TPR: variants seen among roughly 807,000 people sequenced by gnomAD.
TPR encodes the protein translocated promoter region, nuclear basket protein, also known as nucleoprotein TPR.
In TPR, 51 loss-of-function variants were observed where a neutral mutation model predicts 316.1. The observed-to-expected ratio is 0.16, with a 90% CI of 0.13 to 0.20. The LOEUF is 0.20. TPR is among the 10% of genes least tolerant of loss of function. The probability of loss-of-function intolerance (pLI) is 1.00; values close to 1 mark genes in which losing one functional copy is unlikely to be tolerated. For synonymous variants in TPR, 981 were observed against 914.7 expected (o/e 1.07, Z -1.31); for missense variants, 2,272 against 2,754.8 (o/e 0.82, Z 3.92).
intron 23 of TPR, among the ~76,000 whole-genome samples, chr1:186,345,898 G>A (rs1303777672): frequency 6.6e-6 from 1 of 152,042 alleles, no homozygotes; most frequent in Non-Finnish European, 1.5e-5. Context: ...CATAAGTCAA[G>A]TCTCAGGTAG....
chr1:186,322,663 C>T (rs764801921), intron 43 of TPR, 77 bp from the exon 44 acceptor site: 3 of 1,400,118 alleles, frequency 2.1e-6, no homozygotes, highest in Non-Finnish European at 3.0e-6. Flanking sequence ...TCAACAGATA[C>T]AGCTTATTAC....
intron 18 of TPR, among the ~76,000 whole-genome samples, chr1:186,353,232 T>G (rs931743698): frequency 6.6e-5 from 10 of 151,582 alleles, no homozygotes; most frequent in Non-Finnish European, 1.3e-4. Flanking sequence ...ATTAGCCAGG[T>G]GTGGTGGCGG....
intron 4 of TPR, among the ~76,000 whole-genome samples, chr1:186,366,871 T>C (rs1659360185): frequency 6.6e-6 from 1 of 151,972 alleles, no homozygotes; most frequent in Admixed American, 6.6e-5. Context: ...ATTTTATGAA[T>C]TCGTTTAGTT....
At chr1:186,349,502 T>C (rs1029083429) in intron 21 of TPR, among the ~76,000 whole-genome samples, 3 of 146,190 alleles carry the variant, frequency 2.1e-5, no homozygotes, top group Admixed American at 2.0e-4. Context: ...AAAAAAAAAA[T>C]ACAAAAAATG....
In TPR at chr1:186,331,457, G is replaced by A. The variant is rs182405912; in HGVS notation, c.5688+41C>T. On this transcript the variant is annotated intron_variant, in intron 39 of 50. Coordinates refer to ENST00000367478, the MANE Select transcript of TPR (RefSeq NM_003292.3). ...ATTTGTCAAAGCTAATTTCATTCAC[G>A]AAAAGCAACGGTGTGGTACTTTAGG... 4,217 of 1,415,774 alleles carry A rather than the reference G, an allele frequency of 3.0e-3. 10 individuals carry two copies. Among genetic ancestry groups the A allele is most frequent in the Non-Finnish European group, 3.6e-3 (3,749 of 1,030,632 alleles). 87.7% of individuals were successfully genotyped at this position (1,415,774 alleles called of 1,614,324 possible).
chr1:186,374,859 G>C lies in TPR; in HGVS notation c.151+19C>G, dbSNP rs1433532168. ...GGAGTCGAGCCCAAAACCAAGGACG[G>C]AAAGAGCATCTCACTTACCGCTCTC... On this transcript the variant is annotated intron_variant, in intron 1 of 50. Coordinates refer to ENST00000367478, the MANE Select transcript of TPR (RefSeq NM_003292.3). 3 of 1,581,604 alleles carry C rather than the reference G, an allele frequency of 1.9e-6. No homozygotes were observed. The African/African-American group carries it at 4.0e-5, about 21-fold the overall frequency.
chr1:186,372,226 A>G (rs1659551420), intron 2 of TPR, among the ~76,000 whole-genome samples: 1 of 152,242 alleles, frequency 6.6e-6, no homozygotes, highest in African/African-American at 2.4e-5. Flanking sequence ...TTCTCCATCA[A>G]TCAAATTAAA....
intron 46 of TPR, among the ~76,000 whole-genome samples, chr1:186,320,083 CTAATGT>C (rs1160218793): frequency 6.6e-6 from 1 of 151,990 alleles, no homozygotes; most frequent in African/African-American, 2.4e-5. Flanking sequence ...AGAAGAGATA[CTAATGT>C]AAAAGCTAAT....
intron 26 of TPR, 76 bp downstream of exon 26, chr1:186,343,827 CCTT>C (rs1197940508): frequency 3.2e-6 from 4 of 1,232,780 alleles, no homozygotes; most frequent in African/African-American, 1.5e-5. Flanking sequence ...TGTATAATCT[CCTT>C]CTCTAATTTA....
intron 14 of TPR, 189 bp from the exon 15 acceptor site, chr1:186,356,638 T>C (rs747860321): frequency 2.0e-6 from 1 of 499,728 alleles, no homozygotes; most frequent in Non-Finnish European, 3.5e-6. Flanking sequence ...CTCAGGTACT[T>C]ATACTTACCA....
chr1:186,314,724 T>C lies in TPR; in HGVS notation c.6941A>G (p.Asp2314Gly). 6.2e-7 allele frequency: 1 copy of C among 1,600,690 alleles called. No individual in the cohort carries two copies. The highest frequency in any genetic ancestry group is 8.5e-7 in the Non-Finnish European group (1 of 1,173,610). The change falls in exon 50 of 51, where the codon GAT becomes GGT. Residue 2314 changes from aspartate (D) to glycine (G), a missense_variant and splice_region_variant. Physicochemically the swap from Asp to Gly is moderately conservative, Grantham distance 94. Around this residue, in one of 10 missense-constraint regions of TPR, gnomAD observed 123 missense variants for 142.3 expected, o/e 0.86. Coordinates refer to ENST00000367478, the MANE Select transcript of TPR (RefSeq NM_003292.3). ...AGGCTTTGGTTGACTACTACTAGTA[T>C]CTAAGAAAAACATTAAGATAAAAGA... ...SQDPPSSSSV[D>G]TSSSQPKPFR...
intron 4 of TPR, among the ~76,000 whole-genome samples, chr1:186,364,754 A>G (rs72713755): frequency 1.3e-5 from 2 of 152,336 alleles, no homozygotes; most frequent in African/African-American, 2.4e-5. Flanking sequence ...GAAAGGTTAT[A>G]TGCCTGCACC....
intron 39 of TPR, among the ~76,000 whole-genome samples, chr1:186,330,690 C>T (rs1315233510): frequency 6.6e-6 from 1 of 152,078 alleles, no homozygotes; most frequent in Non-Finnish European, 1.5e-5. Context: ...AGACAGAACA[C>T]CTTTGGTCCA....
In TPR at chr1:186,345,651, G is replaced by C; in HGVS notation, c.3142C>G (p.Gln1048Glu). ...GTGCTTGCTCTCTGAAGAGCTTCTT[G>C]TACTTCATTCTGAACACTAGAAAGT... ...KTLSSVQNEV[Q>E]EALQRASTAL... The change falls in exon 24 of 51, where the codon CAA (glutamine) becomes GAA (glutamate). Residue 1048 changes from glutamine (Q) to glutamate (E), a missense_variant. Gln to Glu is a conservative substitution (Grantham distance 29). Transcript: ENST00000367478. The C allele has an allele frequency of 6.2e-7, 1 of 1,613,366 alleles. No homozygotes were observed. The highest frequency in any genetic ancestry group is 1.3e-5 in the African/African-American group (1 of 75,022).
intron 42 of TPR, among the ~76,000 whole-genome samples, chr1:186,325,082 C>G (rs1478978022): frequency 3.9e-5 from 6 of 151,916 alleles, no homozygotes; most frequent in Non-Finnish European, 5.9e-5. Flanking sequence ...ATATCTTGCC[C>G]TTTTAAATAC....
intron 39 of TPR, among the ~76,000 whole-genome samples, chr1:186,330,832 G>C (rs1024430803): frequency 1.3e-5 from 2 of 152,132 alleles, no homozygotes; most frequent in African/African-American, 4.8e-5. Flanking sequence ...GGGACAGAAG[G>C]AAGAAAGGAA....
chr1:186,371,894 A>G (rs1400336562), intron 2 of TPR, among the ~76,000 whole-genome samples: 1 of 152,194 alleles, frequency 6.6e-6, no homozygotes, highest in African/African-American at 2.4e-5. Flanking sequence ...TACCACAGGA[A>G]GGTATCTGAT....
chr1:186,361,217 AC>A (rs1282084614), intron 9 of TPR, among the ~76,000 whole-genome samples: 2 of 152,048 alleles, frequency 1.3e-5, no homozygotes, highest in Admixed American at 1.3e-4. Flanking sequence ...ATTGGAAAAG[AC>A]CATAAATATA....
In TPR at chr1:186,334,457, C is replaced by T. The variant is rs746437276; in HGVS notation, c.5050G>A (p.Ala1684Thr). Residue 1684 changes from alanine (A) to threonine (T), a missense_variant, in exon 36 of 51, where the codon GCA becomes ACA. Physicochemically the swap from Ala to Thr is moderately conservative, Grantham distance 58 (BLOSUM62 0). Around this residue, in one of 10 missense-constraint regions of TPR, gnomAD observed 109 missense variants for 215.3 expected, o/e 0.51. Transcript: ENST00000367478. ...GTTGACTTATTTCCAGCCATAGCTG[C>T]AGCTGTCACTTTACTTGGAGTAGAC... ...VVSTPSKVTA[A>T]AMAGNKSTPR... 46 of 1,613,590 alleles carry T rather than the reference C, an allele frequency of 2.9e-5. 1 individual carries two copies. In the Admixed American group the frequency reaches 6.8e-4, roughly 24 times the overall value.
Sources: gnomAD v4.1 joint callset for allele counts (sites outside exome capture counted in the v4.1 genomes callset) on GRCh38, gnomAD v4.1.1 for gene constraint, gnomAD v4.1.1 regional missense constraint, MANE v1.5 for transcripts, NCBI Gene and HGNC (gene_info 2026-07-23, HGNC 2026-07-21) for gene names.